LARS2: variants seen among roughly 807,000 people sequenced by gnomAD.
LARS2 encodes the protein leucine--tRNA ligase, mitochondrial.
Under a neutral mutation model 116.6 loss-of-function variants are expected in LARS2, and 81 were observed. That is an observed-to-expected ratio of 0.69 (90% CI 0.58 to 0.84). The LOEUF (loss-of-function observed/expected upper bound fraction) is 0.84, where lower values mean the gene tolerates loss of function less well. Among genes scored for constraint, LARS2 ranks in the 40% least tolerant of loss-of-function variants. The probability of loss-of-function intolerance (pLI) is 0.00; values close to 1 mark genes in which losing one functional copy is unlikely to be tolerated. For synonymous variants in LARS2, 396 were observed against 407.2 expected, an observed-to-expected ratio of 0.97 and a Z score of 0.33; for missense variants, 968 against 1,114.5, an observed-to-expected ratio of 0.87 and a Z score of 1.87.
At position 45,419,728 on chromosome 3, in the gene LARS2, G is replaced by A; in HGVS notation, c.515G>A (p.Arg172Lys). 1 of 1,612,394 alleles carries A rather than the reference G, an allele frequency of 6.2e-7. No individual in the cohort carries two copies. Residue 172 changes from arginine (R) to lysine (K), a missense_variant and splice_region_variant, in exon 6 of 22, where the codon AGG becomes AAG. Physicochemically the swap from Arg to Lys is conservative, Grantham distance 26. Coordinates refer to ENST00000645846, the MANE Select transcript of LARS2 (RefSeq NM_015340.4). ...DRLGLCFSWD[R>K]EITTCLPDYY... ...CTGGGCCTGTGTTTCAGCTGGGATA[G>A]GGTAAGTCAACTCTTTTTCCTGAAA...
chr3:45,540,750 A>C (rs2624663), intron 20 of LARS2, among the ~76,000 whole-genome samples: 37 of 77,798 alleles, frequency 4.8e-4, no homozygotes, highest in Middle Eastern at 5.8e-3. Context: ...CTATCTGTCT[A>C]TCTATCTATC....
At chr3:45,514,934 C>T (rs913760363) in intron 16 of LARS2, among the ~76,000 whole-genome samples, 2 of 152,172 alleles carry the variant, frequency 1.3e-5, no homozygotes, top group African/African-American at 2.4e-5. Flanking sequence ...TTTCCCTTCC[C>T]ACGTAGTCTT....
intron 1 of LARS2, among the ~76,000 whole-genome samples, chr3:45,390,728 C>G (rs965948364): frequency 6.6e-6 from 1 of 151,594 alleles, no homozygotes; most frequent in Admixed American, 6.6e-5. Context: ...TCTCAGCTCA[C>G]TGCAAGCTCC....
intron 21 of LARS2, 134 bp downstream of exon 21, chr3:45,542,090 T>C: frequency 8.8e-7 from 1 of 1,141,386 alleles, no homozygotes; most frequent in Non-Finnish European, 1.2e-6. Context: ...CCACACCTTG[T>C]GACCGGAAGG....
chr3:45,395,730 T>C lies in LARS2; in HGVS notation c.234+1043T>C, dbSNP rs146282435. 1.2e-3 allele frequency among the ~76,000 whole-genome samples: 188 copies of C among 152,296 alleles called. 1 individual carries two copies. The highest frequency in any genetic ancestry group is 3.6e-3 in the African/African-American group (149 of 41,552). On this transcript the variant is annotated intron_variant, in intron 3 of 21. Coordinates refer to ENST00000645846, the MANE Select transcript of LARS2 (RefSeq NM_015340.4). Reference sequence around the variant, plus strand: ...CAACACATTCATTCTTTCTGTGAGATTGGTGGTTATGAAAAATGAGTAAGG... The same window carrying C: ...CAACACATTCATTCTTTCTGTGAGACTGGTGGTTATGAAAAATGAGTAAGG...
chr3:45,391,056 C>T (rs1035776501), intron 1 of LARS2, among the ~76,000 whole-genome samples: 13 of 152,208 alleles, frequency 8.5e-5, no homozygotes, highest in Non-Finnish European at 1.9e-4. Flanking sequence ...TAATTGCTTG[C>T]TTTCCAATTC....
chr3:45,498,628 G>A (rs116520803), intron 14 of LARS2, among the ~76,000 whole-genome samples: 1,662 of 152,290 alleles, frequency 0.011, 27 homozygotes, highest in African/African-American at 0.038. Context: ...GAAAAAGGTG[G>A]CTTGAGGTGT....
intron 10 of LARS2, among the ~76,000 whole-genome samples, chr3:45,480,759 C>T (rs1228739678): frequency 1.3e-5 from 2 of 152,142 alleles, no homozygotes; most frequent in African/African-American, 4.8e-5. Flanking sequence ...TGCAAATCTG[C>T]TAATATTTAA....
chr3:45,449,950 T>C (rs1699097141), intron 7 of LARS2, among the ~76,000 whole-genome samples: 1 of 152,212 alleles, frequency 6.6e-6, no homozygotes, highest in Non-Finnish European at 1.5e-5. Flanking sequence ...GAATCTGCTG[T>C]TGCTTTCACA....
chr3:45,395,962 A>T (rs1225620161), intron 3 of LARS2, among the ~76,000 whole-genome samples: 1 of 152,248 alleles, frequency 6.6e-6, no homozygotes, highest in African/African-American at 2.4e-5. Flanking sequence ...CATCAGACTA[A>T]TGTAACTTAA....
intron 6 of LARS2, among the ~76,000 whole-genome samples, chr3:45,436,217 A>G (rs1698798545): frequency 6.6e-6 from 1 of 152,156 alleles, no homozygotes; most frequent in South Asian, 2.1e-4. Flanking sequence ...GCCTGTGTCT[A>G]ACAAATAGTC....
Position 45,547,529 on chromosome 3 carries a change from G to GGT in LARS2, c.2711_2712insGT (p.Ter904TrpfsTer41). The GGT allele has an allele frequency of 2.5e-6, 4 of 1,599,334 alleles. No homozygotes were observed. In the East Asian group the frequency reaches 9.0e-5, roughly 36 times the overall value. On this transcript the variant is annotated frameshift_variant and stop_lost, in exon 22 of 22. Coordinates refer to ENST00000645846, the MANE Select transcript of LARS2 (RefSeq NM_015340.4). LOFTEE classifies it high-confidence loss of function. ...CTCATCAACTTCCTGGTGCAAGATT[G>GGT]ACAGCCAGGAGGCTGCAGCTACCAC...
At position 45,458,829 on chromosome 3, in the gene LARS2, A is replaced by C. The variant is rs779700014; in HGVS notation, c.693A>C (p.Ala231=). Residue 231 remains alanine, a synonymous_variant, in exon 8 of 22, where the codon GCA becomes GCC. Transcript: ENST00000645846. ...DEHGCSWRSG[A]KVEQKYLRQW... ...ATGGCTGTTCATGGCGTTCTGGAGC[A>C]AAGGTGGAACAGAAGTACCTCAGAC... is the stretch of plus-strand genomic sequence containing the variant. 5 of 1,614,052 alleles carry C rather than the reference A, an allele frequency of 3.1e-6. No individual in the cohort carries two copies. The Admixed American group carries it at 8.3e-5, about 27-fold the overall frequency.
intron 14 of LARS2, among the ~76,000 whole-genome samples, chr3:45,497,370 G>A (rs763653420): frequency 4.6e-5 from 7 of 151,938 alleles, no homozygotes; most frequent in African/African-American, 7.3e-5. Flanking sequence ...AATGAGAACC[G>A]AAAGAAACTC....
Position 45,411,242 on chromosome 3 carries a change from G to A in LARS2, c.364-6240G>A, listed in dbSNP as rs1003958869. Among the ~76,000 whole-genome samples the A allele has an allele frequency of 7.0e-4, 106 of 152,124 alleles. 1 individual carries two copies. Among genetic ancestry groups the A allele is most frequent in the Non-Finnish European group, 2.4e-4 (16 of 68,024 alleles). On this transcript the variant is annotated intron_variant, in intron 4 of 21. Transcript: ENST00000645846. ...GAGGCCCTGACTCACTGGCCCTGCC[G>A]GCATTTATTCAGCACACATTCAATG... is the stretch of plus-strand genomic sequence containing the variant.
At chr3:45,528,564 G>C (rs1413813403) in intron 20 of LARS2, among the ~76,000 whole-genome samples, 1 of 152,186 alleles carries the variant, frequency 6.6e-6, no homozygotes, top group East Asian at 1.9e-4. Context: ...CTGAAAAAAG[G>C]TTCCCCACAC....
Position 45,417,560 on chromosome 3 carries a change from A to C in LARS2, c.442A>C (p.Ser148Arg). 1 of 1,613,604 alleles carries C rather than the reference A, an allele frequency of 6.2e-7. No homozygotes were observed. Among genetic ancestry groups the C allele is most frequent in the Non-Finnish European group, 8.5e-7 (1 of 1,179,524 alleles). Residue 148 changes from serine (S) to arginine (R), a missense_variant, in exon 5 of 22, where the codon AGT becomes CGT. Physicochemically the swap from Ser to Arg is moderately radical, Grantham distance 110 (BLOSUM62 -1). Transcript: ENST00000645846. ...AAVERNLHPQ[S>R]WTQSNIKHMR... ...AGTCGAGAGGAATCTACATCCACAA[A>C]GTTGGACACAAAGGTAAGTGTTTAC...
chr3:45,466,006 A>G (rs1226518055), intron 8 of LARS2, among the ~76,000 whole-genome samples: 1 of 152,232 alleles, frequency 6.6e-6, no homozygotes, highest in Non-Finnish European at 1.5e-5. Flanking sequence ...CCTGCTCTGC[A>G]AAGAGAAAGG....
chr3:45,426,070 TAA>T (rs1007915036), intron 6 of LARS2, among the ~76,000 whole-genome samples: 2 of 152,166 alleles, frequency 1.3e-5, no homozygotes, highest in Non-Finnish European at 2.9e-5. Context: ...CAATTTATTT[TAA>T]AAGACAGCAC....
Sources: gnomAD v4.1 joint callset for allele counts (sites outside exome capture counted in the v4.1 genomes callset) on GRCh38, gnomAD v4.1.1 for gene constraint, MANE v1.5 for transcripts, NCBI Gene and HGNC (gene_info 2026-07-23, HGNC 2026-07-21) for gene names.